ZNF385C: variants seen among roughly 807,000 people sequenced by gnomAD.
ZNF385C encodes the protein CTD-2132N18.2.
In ZNF385C, 28 loss-of-function variants were observed where a neutral mutation model predicts 35.4. The observed-to-expected ratio is 0.79, with a 90% confidence interval of 0.59 to 1.08. The LOEUF is 1.08. Ranked by LOEUF, ZNF385C falls within the 50% of genes least tolerant of loss-of-function variation. The pLI, the probability that ZNF385C is intolerant of heterozygous loss-of-function variation, is 0.00. For missense variants in ZNF385C, 605 were observed against 595.6 expected, an observed-to-expected ratio of 1.02 and a Z score of -0.16; for synonymous variants, 248 against 248.2, an observed-to-expected ratio of 1.00 and a Z score of 0.01.
chr17:42,064,628 C>T (rs1021342689), intron 1 of ZNF385C, among the ~76,000 whole-genome samples: 1 of 151,722 alleles, frequency 6.6e-6, no homozygotes, highest in African/African-American at 2.4e-5. Context: ...GGTGTGATCT[C>T]GGCTCACTGC....
At chr17:42,072,466 C>T (rs1005373672) in intron 1 of ZNF385C, among the ~76,000 whole-genome samples, 4 of 152,146 alleles carry the variant, frequency 2.6e-5, no homozygotes, top group Admixed American at 2.6e-4. Flanking sequence ...GTGCTGAGCA[C>T]GCGGCGGGCC....
intron 3 of ZNF385C, among the ~76,000 whole-genome samples, chr17:42,037,300 C>T (rs1263613026): frequency 2.0e-5 from 3 of 152,132 alleles, no homozygotes; most frequent in South Asian, 2.1e-4. Flanking sequence ...TACAAACACA[C>T]GTTGGACACC....
chr17:42,042,894 C>A, intron 2 of ZNF385C: 1 of 1,232,356 alleles, frequency 8.1e-7, no homozygotes, highest in East Asian at 3.2e-5. Context: ...CCAGCAGTGC[C>A]TGGCACAGGT....
At chr17:42,040,114 G>A in intron 2 of ZNF385C, 1 of 1,231,366 alleles carries the variant, frequency 8.1e-7, no homozygotes, top group Non-Finnish European at 1.0e-6. Context: ...CACCCGCAGC[G>A]CCCCCTCGCC....
intron 1 of ZNF385C, among the ~76,000 whole-genome samples, chr17:42,068,510 G>A (rs893547133): frequency 2.0e-5 from 3 of 152,262 alleles, no homozygotes; most frequent in African/African-American, 7.2e-5. Context: ...TGACAAAAAG[G>A]GTCTTTTTTC....
At chr17:42,083,401 C>A (rs947568982) in intron 1 of ZNF385C, among the ~76,000 whole-genome samples, 5 of 151,888 alleles carry the variant, frequency 3.3e-5, no homozygotes, top group Non-Finnish European at 7.4e-5. Context: ...GACGGGGTTT[C>A]ACCATGTTAG....
chr17:42,092,704 G>C (rs1368280990), intron 1 of ZNF385C, among the ~76,000 whole-genome samples: 1 of 152,336 alleles, frequency 6.6e-6, no homozygotes, highest in East Asian at 1.9e-4. Context: ...AAACCCAAGG[G>C]TTCCTGTTCC....
In ZNF385C at chr17:42,095,334, A is replaced by G. The variant is rs1457412703; in HGVS notation, c.-3+3076T>C. ...CCGCCGCCTGGCCAGCTGACCCCACAGTCTCCCCTGTCCCAAGCCCAAACT... is the reference window on the plus strand; with the variant it reads ...CCGCCGCCTGGCCAGCTGACCCCACGGTCTCCCCTGTCCCAAGCCCAAACT... On this transcript the variant is annotated intron_variant, in intron 1 of 8. Transcript: ENST00000692273. The surrounding 1 kb of genome is among the most constrained non-coding windows in gnomAD (Gnocchi z 4.4). Among the ~76,000 whole-genome samples, 1 of 152,124 alleles carries G rather than the reference A, an allele frequency of 6.6e-6. No individual in the cohort carries two copies. The highest frequency in any genetic ancestry group is 2.4e-5 in the African/African-American group (1 of 41,424).
At chr17:42,081,260 C>G (rs2053746153) in intron 1 of ZNF385C, among the ~76,000 whole-genome samples, 1 of 152,112 alleles carries the variant, frequency 6.6e-6, no homozygotes. Flanking sequence ...CAGGAGGGGC[C>G]CCTCTGGAGG....
At chr17:42,038,048 T>C (rs2052907185) in intron 2 of ZNF385C, 163 bp from the exon 3 acceptor site, 1 of 1,535,660 alleles carries the variant, frequency 6.5e-7, no homozygotes. Context: ...CCCCCTTCTC[T>C]GTGCCCTTCC....
chr17:42,084,181 G>GAA (rs201699529), intron 1 of ZNF385C, among the ~76,000 whole-genome samples: 7 of 141,290 alleles, frequency 5.0e-5, no homozygotes, highest in African/African-American at 1.6e-4. Context: ...CCTCATATCT[G>GAA]AAAAAAAAAA....
At position 42,028,825 on chromosome 17, in the gene ZNF385C, C is replaced by G; in HGVS notation, c.925G>C (p.Val309Leu). ...KGHLYCPTCK[V>L]TVNSASQLQA... ...AGCTGGGAGGCCGAGTTCACTGTCACCTTACACGTGGGGCAGTAGAGGTGC... is the reference window on the plus strand; with the variant it reads ...AGCTGGGAGGCCGAGTTCACTGTCAGCTTACACGTGGGGCAGTAGAGGTGC... Residue 309 changes from valine (V) to leucine (L), a missense_variant, in exon 6 of 9, where the codon GTG becomes CTG. Transcript: ENST00000692273. The G allele has an allele frequency of 6.4e-7, 1 of 1,550,626 alleles. No individual in the cohort carries two copies. Among genetic ancestry groups the G allele is most frequent in the South Asian group, 1.2e-5 (1 of 84,056 alleles).
At chr17:42,043,306 T>C (rs1043421284) in intron 2 of ZNF385C, 69 of 1,232,284 alleles carry the variant, frequency 5.6e-5, no homozygotes, top group Middle Eastern at 6.2e-4. Context: ...CCAGTGCTCG[T>C]TGAAGTAACG....
At chr17:42,051,900 A>T (rs1314481132) in intron 2 of ZNF385C, among the ~76,000 whole-genome samples, 1 of 152,092 alleles carries the variant, frequency 6.6e-6, no homozygotes, top group Non-Finnish European at 1.5e-5. Flanking sequence ...AGCTGCTGGG[A>T]TGGAGCGCGA....
intron 2 of ZNF385C, among the ~76,000 whole-genome samples, chr17:42,055,516 G>T (rs574745104): frequency 6.6e-6 from 1 of 152,244 alleles, no homozygotes; most frequent in East Asian, 1.9e-4. Context: ...GCAGCAGGAG[G>T]CAGAGGCAGG....
intron 2 of ZNF385C, among the ~76,000 whole-genome samples, chr17:42,049,619 C>G (rs1039231637): frequency 5.3e-5 from 8 of 152,246 alleles, no homozygotes; most frequent in South Asian, 4.1e-4. Context: ...GCCCAGCCCA[C>G]TATGCACAGG....
chr17:42,064,118 A>ACACACACACT (rs1491216367), intron 1 of ZNF385C, among the ~76,000 whole-genome samples: 7 of 135,342 alleles, frequency 5.2e-5, no homozygotes, highest in South Asian at 4.7e-4. Context: ...ACACACACAC[A>ACACACACACT]CTTTCTGTCT....
At position 42,090,022 on chromosome 17, in the gene ZNF385C, G is replaced by C. The variant is rs550287250; in HGVS notation, c.-3+8388C>G. Reference sequence around the variant, plus strand: ...ATATCCGTAGTGGTTAAAATATCCTGTGTCCCTCTGATCTGTTTCCTATAA... The same window carrying C: ...ATATCCGTAGTGGTTAAAATATCCTCTGTCCCTCTGATCTGTTTCCTATAA... On this transcript the variant is annotated intron_variant, in intron 1 of 8. Transcript: ENST00000692273. 1.7e-3 allele frequency among the ~76,000 whole-genome samples: 264 copies of C among 152,224 alleles called. 2 individuals carry two copies. Among genetic ancestry groups the C allele is most frequent in the African/African-American group, 5.8e-3 (243 of 41,540 alleles).
chr17:42,043,321 C>T (rs2053073233), intron 2 of ZNF385C: 3 of 1,232,250 alleles, frequency 2.4e-6, no homozygotes, highest in East Asian at 3.2e-5. Flanking sequence ...GTAACGCTTA[C>T]ACTTCTTGTT....
Sources: allele counts gnomAD v4.1 joint callset (sites outside exome capture counted in the v4.1 genomes callset), GRCh38; gene constraint gnomAD v4.1.1; non-coding constraint Gnocchi (gnomAD v3.1); transcripts MANE v1.5; gene names NCBI Gene and HGNC (gene_info 2026-07-23, HGNC 2026-07-21).